Variants in FRMD6 observed in about 807,000 individuals in gnomAD.
FRMD6 encodes the protein FERM domain containing 6, also known as FERM domain-containing protein 6.
In FRMD6, 37 loss-of-function variants were observed where a neutral mutation model predicts 73.2. That is an observed-to-expected ratio of 0.51 (90% CI 0.39 to 0.66). The LOEUF (loss-of-function observed/expected upper bound fraction) is 0.66, where lower values mean the gene tolerates loss of function less well. Among genes scored for constraint, FRMD6 ranks in the 30% least tolerant of loss-of-function variants. The pLI is 0.00. For missense variants in FRMD6, 714 were observed against 780.5 expected, an observed-to-expected ratio of 0.91 and a Z score of 1.02; for synonymous variants, 273 against 282.2, an observed-to-expected ratio of 0.97 and a Z score of 0.33.
chr14:51,517,701 CA>C (rs1884709106), intron 1 of FRMD6, among the ~76,000 whole-genome samples: 1 of 152,032 alleles, frequency 6.6e-6, no homozygotes, highest in African/African-American at 2.4e-5. Flanking sequence ...TTCTGCAAAG[CA>C]ATGGGCTGAA....
intron 1 of FRMD6, among the ~76,000 whole-genome samples, chr14:51,491,999 T>G (rs1883032574): frequency 6.6e-6 from 1 of 152,212 alleles, no homozygotes; most frequent in Non-Finnish European, 1.5e-5. Flanking sequence ...TTTATCTTGG[T>G]CTTTGTTTAC....
At chr14:51,519,242 G>A (rs1379049609) in intron 1 of FRMD6, among the ~76,000 whole-genome samples, 1 of 139,710 alleles carries the variant, frequency 7.2e-6, no homozygotes, top group Admixed American at 8.2e-5. Flanking sequence ...TTGGCTTGCT[G>A]TAACCTCCGC....
intron 1 of FRMD6, among the ~76,000 whole-genome samples, chr14:51,527,677 T>A (rs1159241302): frequency 1.3e-5 from 2 of 152,168 alleles, no homozygotes; most frequent in Admixed American, 1.3e-4. Context: ...TCTCTGTGCA[T>A]CCCATAGGAG....
intron 1 of FRMD6, among the ~76,000 whole-genome samples, chr14:51,551,772 T>C (rs1886854261): frequency 6.6e-6 from 1 of 151,792 alleles, no homozygotes; most frequent in South Asian, 2.1e-4. Flanking sequence ...ATATAATATA[T>C]GTAATACATT....
intron 2 of FRMD6, among the ~76,000 whole-genome samples, chr14:51,636,841 G>A (rs955082915): frequency 6.6e-6 from 1 of 152,164 alleles, no homozygotes; most frequent in Admixed American, 6.5e-5. Context: ...AGAGGGCTAA[G>A]AAAGAAAAGT....
At chr14:51,610,663 G>A (rs576092786) in intron 2 of FRMD6, among the ~76,000 whole-genome samples, 2 of 152,142 alleles carry the variant, frequency 1.3e-5, no homozygotes, top group African/African-American at 4.8e-5. Flanking sequence ...CTCTACATAA[G>A]TCAAAATATT....
At chr14:51,417,436 T>G in the FRMD6 span, among the ~76,000 whole-genome samples, 1 of 152,216 alleles carries the variant, frequency 6.6e-6, no homozygotes, top group Non-Finnish European at 1.5e-5. Context: ...GATATGCAGT[T>G]CTGGGTTGAA....
intron 1 of FRMD6, among the ~76,000 whole-genome samples, chr14:51,501,796 C>T (rs1485420856): frequency 1.3e-5 from 2 of 152,200 alleles, no homozygotes; most frequent in Non-Finnish European, 2.9e-5. Context: ...TGAGGAATCA[C>T]AACACTGTCT....
chr14:51,436,406 A>C, the FRMD6 span: 1,787 of 473,572 alleles, frequency 3.8e-3, 27 homozygotes, highest in African/African-American at 0.032. Flanking sequence ...CCAGAGTCGA[A>C]GTGATGGAAT....
intron 1 of FRMD6, among the ~76,000 whole-genome samples, chr14:51,654,063 C>A (rs1892635376): frequency 6.6e-6 from 1 of 152,128 alleles, no homozygotes; most frequent in African/African-American, 2.4e-5. Context: ...TTTTAAGGGG[C>A]AGGAAATCTT....
chr14:51,469,793 A>G, the FRMD6 span, among the ~76,000 whole-genome samples: 1 of 152,042 alleles, frequency 6.6e-6, no homozygotes, highest in East Asian at 1.9e-4. Context: ...TGGTTGCAGC[A>G]TGTCCTGTAT....
chr14:51,502,727 A>G (rs989456124), intron 1 of FRMD6, among the ~76,000 whole-genome samples: 3 of 152,078 alleles, frequency 2.0e-5, no homozygotes, highest in Non-Finnish European at 4.4e-5. Flanking sequence ...TTTTCCAATT[A>G]TGTGAAGAAT....
the FRMD6 span, among the ~76,000 whole-genome samples, chr14:51,398,711 T>C: frequency 7.5e-3 from 1,143 of 152,270 alleles, 18 homozygotes; most frequent in African/African-American, 0.026. Context: ...CACCCTGATA[T>C]GCTAATAATC....
the FRMD6 span, among the ~76,000 whole-genome samples, chr14:51,440,565 A>G: frequency 6.6e-6 from 1 of 152,234 alleles, no homozygotes; most frequent in Non-Finnish European, 1.5e-5. Context: ...CCAGTGAGGT[A>G]GGCTACCCTT....
chr14:51,647,240 GGTAAAA>G (rs1207187531), upstream of FRMD6, among the ~76,000 whole-genome samples: 1 of 151,664 alleles, frequency 6.6e-6, no homozygotes, highest in African/African-American at 2.4e-5. Context: ...CTATAAATTG[GGTAAAA>G]GTAAATCTTC....
At chr14:51,486,245 A>G (rs534767179), upstream of FRMD6, among the ~76,000 whole-genome samples, 17 of 152,136 alleles carry the variant, frequency 1.1e-4, no homozygotes, top group South Asian at 3.3e-3. Context: ...CGTGTTAGCC[A>G]GGATGGTCTC....
chr14:51,469,342 T>G, the FRMD6 span, among the ~76,000 whole-genome samples: 2 of 150,790 alleles, frequency 1.3e-5, no homozygotes, highest in Non-Finnish European at 3.0e-5. Flanking sequence ...GGCTGGGCCC[T>G]ATGGCTCACG....
rs768495827 is a variant in FRMD6 at position 51,725,883 on chromosome 14, T to A, written c.1584+13T>A. 1 of 1,580,502 alleles carries A rather than the reference T, an allele frequency of 6.3e-7. No individual in the cohort carries two copies. Among genetic ancestry groups the A allele is most frequent in the East Asian group, 2.2e-5 (1 of 44,700 alleles). Reference sequence around the variant, plus strand: ...TTCTCTTCCACAGGTATTAAAGGAATTGAAAAATATCAGTTAGGAAACTGA... The same window carrying A: ...TTCTCTTCCACAGGTATTAAAGGAAATGAAAAATATCAGTTAGGAAACTGA... On this transcript the variant is annotated intron_variant, in intron 13 of 13. Coordinates refer to ENST00000344768, the MANE Select transcript of FRMD6 (RefSeq NM_001267046.2).
the FRMD6 span, among the ~76,000 whole-genome samples, chr14:51,424,765 C>A: frequency 6.6e-6 from 1 of 152,084 alleles, no homozygotes; most frequent in South Asian, 2.1e-4. Context: ...GGCTATTTAG[C>A]AACAATCAAC....
Sources: allele counts gnomAD v4.1 joint callset (sites outside exome capture counted in the v4.1 genomes callset), GRCh38; gene constraint gnomAD v4.1.1; transcripts MANE v1.5; gene names NCBI Gene and HGNC (gene_info 2026-07-23, HGNC 2026-07-21).